KIF17: variants seen among roughly 807,000 people sequenced by gnomAD.
KIF17 encodes kinesin family member 17.
KIF17 carries 80 observed loss-of-function variants against 96.8 expected under a neutral mutation model. The observed-to-expected ratio is 0.83, with a 90% CI of 0.69 to 1.00. The LOEUF is 1.00. KIF17 is among the 50% of genes least tolerant of loss of function. The pLI, the probability that KIF17 is intolerant of heterozygous loss-of-function variation, is 0.00. For missense variants in KIF17, 1,280 were observed against 1,372.9 expected (o/e 0.93, Z 1.07); for synonymous variants, 567 against 587.5 (o/e 0.97, Z 0.51).
In KIF17 at chr1:20,713,516, G is replaced by T. The variant is rs536519322; in HGVS notation, c.418C>A (p.Leu140Met). 5.6e-5 allele frequency: 91 copies of T among 1,611,596 alleles called. No individual in the cohort carries two copies. Among genetic ancestry groups the T allele is most frequent in the Non-Finnish European group, 7.5e-5 (89 of 1,179,318 alleles). Reference sequence around the variant, plus strand: ...CGGACATCTTCATTGTAGATCTCCAGGTAGGAGGCCCGGACCAGGAACTTA... The same window carrying T: ...CGGACATCTTCATTGTAGATCTCCATGTAGGAGGCCCGGACCAGGAACTTA... ...NTKFLVRASYLEIYNEDVRDL... is the reference protein window; with the variant it reads ...NTKFLVRASYMEIYNEDVRDL... The change falls in exon 3 of 15, where the codon CTG becomes ATG. Residue 140 changes from leucine (L) to methionine (M), a missense_variant. Physicochemically the swap from Leu to Met is conservative, Grantham distance 15. Coordinates refer to ENST00000400463, the MANE Select transcript of KIF17 (RefSeq NM_001122819.3).
chr1:20,712,490 T>G (rs1396624821), intron 3 of KIF17, among the ~76,000 whole-genome samples: 2 of 141,730 alleles, frequency 1.4e-5, no homozygotes, highest in Non-Finnish European at 3.1e-5. Flanking sequence ...AGGCCAGGAG[T>G]TCGAAGCCAG....
At chr1:20,696,638 C>G (rs674102) in intron 6 of KIF17, among the ~76,000 whole-genome samples, 83,031 of 151,610 alleles carry the variant, frequency 0.55, 23,904 homozygotes, top group East Asian at 0.84. Flanking sequence ...ACAGCGGGGG[C>G]CGCCGGCCCC....
chr1:20,666,658 T>G (rs617367), intron 13 of KIF17, among the ~76,000 whole-genome samples: 117,692 of 152,180 alleles, frequency 0.77, 45,771 homozygotes, highest in Middle Eastern at 0.87. Context: ...GGGGGCCGGG[T>G]TGATACACAA....
At chr1:20,711,980 G>A (rs917558988) in intron 3 of KIF17, among the ~76,000 whole-genome samples, 2 of 152,152 alleles carry the variant, frequency 1.3e-5, no homozygotes, top group South Asian at 4.1e-4. Flanking sequence ...CTCCACGAGG[G>A]AGCGTGTCTA....
chr1:20,673,778 A>G (rs2053690170), intron 11 of KIF17, among the ~76,000 whole-genome samples: 1 of 151,896 alleles, frequency 6.6e-6, no homozygotes, highest in Non-Finnish European at 1.5e-5. Flanking sequence ...TGATCCACCC[A>G]CCTCGGCCTC....
chr1:20,686,212 A>C, intron 8 of KIF17, 86 bp from the exon 9 acceptor site: 3 of 1,156,542 alleles, frequency 2.6e-6, no homozygotes, highest in Non-Finnish European at 3.8e-6. Flanking sequence ...CCTCACTTCA[A>C]CTCCCCAAGG....
chr1:20,669,137 C>T (rs2154534932), intron 13 of KIF17, among the ~76,000 whole-genome samples: 1 of 152,154 alleles, frequency 6.6e-6, no homozygotes, highest in South Asian at 2.1e-4. Context: ...CCAGGCCACC[C>T]CAAGGGACTG....
At chr1:20,683,692 C>T (rs183976025) in intron 10 of KIF17, among the ~76,000 whole-genome samples, 58 of 152,246 alleles carry the variant, frequency 3.8e-4, no homozygotes, top group Middle Eastern at 6.8e-3. Context: ...TGCTGTGGGT[C>T]TCCATCAGGA....
At position 20,698,381 on chromosome 1, in the gene KIF17, C is replaced by A; in HGVS notation, c.1231G>T (p.Glu411Ter). ...GTTCCCACCCGCTTGGGTCTCACCT[C>A]CCGGATCAGCTGCTTCTCGGCCTCC... ...DVEAEKQLIR[E>*]EYEERLARLK... Residue 411 changes from glutamate (E) to a stop codon, truncating the protein, a stop_gained and splice_region_variant, in exon 6 of 15, where the codon GAG becomes TAG. Coordinates refer to ENST00000400463, the MANE Select transcript of KIF17 (RefSeq NM_001122819.3). LOFTEE classifies it high-confidence loss of function. 1 of 1,612,502 alleles carries A rather than the reference C, an allele frequency of 6.2e-7. No homozygotes were observed. Among genetic ancestry groups the A allele is most frequent in the East Asian group, 2.2e-5 (1 of 44,862 alleles).
chr1:20,699,395 C>T lies in KIF17; in HGVS notation c.1124-907G>A, dbSNP rs1013619920. ...AACAGCCAACATAGTAAAACCCCGT[C>T]TCTACCAAAAAAATACAAAAATTAG... On this transcript the variant is annotated intron_variant, in intron 5 of 14. Coordinates refer to ENST00000400463, the MANE Select transcript of KIF17 (RefSeq NM_001122819.3). The surrounding 1 kb of genome is among the most constrained non-coding windows in gnomAD (Gnocchi z 4.3). Among the ~76,000 whole-genome samples the T allele has an allele frequency of 6.6e-6, 1 of 150,410 alleles. No individual in the cohort carries two copies. The highest frequency in any genetic ancestry group is 1.5e-5 in the Non-Finnish European group (1 of 68,022).
chr1:20,690,761 A>G (rs893455071), intron 6 of KIF17, among the ~76,000 whole-genome samples: 3 of 150,996 alleles, frequency 2.0e-5, no homozygotes, highest in African/African-American at 7.3e-5. Context: ...ATCTCGGCTC[A>G]CTGCAAGCTC....
Position 20,717,589 on chromosome 1 carries a change from G to T in KIF17, c.118C>A (p.Gln40Lys). ...VDCARAQCCI[Q>K]NPGAADEPPK... Reference sequence around the variant, plus strand: ...GGCTCGTCGGCGGCGCCCGGGTTCTGGATGCAGCACTGGGCGCGCGCGCAG... The same window carrying T: ...GGCTCGTCGGCGGCGCCCGGGTTCTTGATGCAGCACTGGGCGCGCGCGCAG... Residue 40 changes from glutamine to lysine, a missense_variant, in exon 1 of 15, where the codon CAG (glutamine) becomes AAG (lysine). By Grantham distance (53) the Gln-to-Lys change is moderately conservative (BLOSUM62 1). Transcript: ENST00000400463. The T allele has an allele frequency of 3.1e-6, 5 of 1,611,422 alleles. No homozygotes were observed. The highest frequency in any genetic ancestry group is 1.7e-6 in the Non-Finnish European group (2 of 1,179,594).
chr1:20,717,493 C>T lies in KIF17; in HGVS notation c.214G>A (p.Ala72Thr), dbSNP rs778529576. 1 of 1,611,468 alleles carries T rather than the reference C, an allele frequency of 6.2e-7. No individual in the cohort carries two copies. The highest frequency in any genetic ancestry group is 8.5e-7 in the Non-Finnish European group (1 of 1,179,608). The change falls in exon 1 of 15, where the codon GCC becomes ACC. Residue 72 changes from alanine to threonine, a missense_variant. By Grantham distance (58) the Ala-to-Thr change is moderately conservative. Coordinates refer to ENST00000400463, the MANE Select transcript of KIF17 (RefSeq NM_001122819.3). The part of the protein sequence containing the change: ...HVTEQIYNEI[A>T]YPLVEGVTEG... ...GCCCTCACCTCCACCAGCGGATAGGCGATCTCGTTGTAGATCTGCTCGGTG... is the reference window on the plus strand; with the variant it reads ...GCCCTCACCTCCACCAGCGGATAGGTGATCTCGTTGTAGATCTGCTCGGTG...
At chr1:20,703,486 AGATGGATGGATGCATG>A (rs1347239354) in intron 5 of KIF17, among the ~76,000 whole-genome samples, 7 of 103,148 alleles carry the variant, frequency 6.8e-5, no homozygotes, top group Admixed American at 3.7e-4. Flanking sequence ...ATAGATGGAT[AGATGGATGGATGCATG>A]GATGGATGGA....
At chr1:20,669,696 ACT>A (rs1019033226) in intron 13 of KIF17, among the ~76,000 whole-genome samples, 6 of 148,420 alleles carry the variant, frequency 4.0e-5, no homozygotes, top group African/African-American at 1.5e-4. Flanking sequence ...ACCCGGTGAA[ACT>A]CTGTCTCTAC....
intron 13 of KIF17, 36 bp downstream of exon 13, chr1:20,670,385 C>G: frequency 6.3e-7 from 1 of 1,599,660 alleles, no homozygotes; most frequent in South Asian, 1.1e-5. Context: ...GCCCTCCCAG[C>G]CCCCGACACC....
At chr1:20,679,664 C>T (rs951519475) in intron 11 of KIF17, among the ~76,000 whole-genome samples, 5 of 152,068 alleles carry the variant, frequency 3.3e-5, no homozygotes, top group African/African-American at 4.8e-5. Context: ...GGAATGCAGG[C>T]GGTGTCTAGA....
In KIF17 at chr1:20,685,343, G is replaced by A. The variant is rs988192330; in HGVS notation, c.2020-323C>T. On this transcript the variant is annotated intron_variant, in intron 9 of 14. Coordinates refer to ENST00000400463, the MANE Select transcript of KIF17 (RefSeq NM_001122819.3). This position sits in a 1 kb window ranked among gnomAD's most constrained non-coding sequence, Gnocchi z 4.1. ...CCCGATGAGCCCCATGTGACTTCCC[G>A]TCACGTTCGCAGGAAAGTCCACTTT... 1.7e-4 allele frequency: 86 copies of A among 499,622 alleles called. 1 individual carries two copies. Among genetic ancestry groups the A allele is most frequent in the Admixed American group, 1.5e-4 (6 of 40,034 alleles). The allele number at this position is 499,622 out of a possible 1,614,324, so 30.9% of individuals were successfully genotyped here. A position where few individuals can be genotyped will look rare whatever the true frequency, so the allele number is the denominator to read the frequency against.
chr1:20,690,922 C>T (rs1377968662), intron 6 of KIF17, among the ~76,000 whole-genome samples: 3 of 152,014 alleles, frequency 2.0e-5, no homozygotes, highest in Admixed American at 6.5e-5. Context: ...CTCCTGACCT[C>T]GTGATCCACC....
Sources: allele counts gnomAD v4.1 joint callset (sites outside exome capture counted in the v4.1 genomes callset), GRCh38; gene constraint gnomAD v4.1.1; non-coding constraint Gnocchi (gnomAD v3.1); transcripts MANE v1.5; gene names NCBI Gene and HGNC (gene_info 2026-07-23, HGNC 2026-07-21).